Variants in AK5 observed in about 807,000 individuals in gnomAD.
AK5 encodes the protein adenylate kinase isoenzyme 5.
In AK5, 27 loss-of-function variants were observed where a neutral mutation model predicts 69.5. The ratio of observed to expected loss-of-function variants is 0.39; its 90% CI spans 0.29 to 0.54. The LOEUF is 0.54. Ranked by LOEUF, AK5 falls within the 20% of genes least tolerant of loss-of-function variation. The probability of loss-of-function intolerance (pLI) is 0.71; values close to 1 mark genes in which losing one functional copy is unlikely to be tolerated. For synonymous variants in AK5, 260 were observed against 244.4 expected, an observed-to-expected ratio of 1.06 and a Z score of -0.60; for missense variants, 531 against 700.4, an observed-to-expected ratio of 0.76 and a Z score of 2.73.
intron 8 of AK5, among the ~76,000 whole-genome samples, chr1:77,482,976 G>T (rs1655348904): frequency 9.1e-6 from 1 of 109,998 alleles, no homozygotes; most frequent in East Asian, 3.0e-4. Context: ...CCTGTCCACA[G>T]ATAGTTTTTG....
chr1:77,332,650 A>C (rs934349524), intron 5 of AK5, among the ~76,000 whole-genome samples: 3 of 150,272 alleles, frequency 2.0e-5, no homozygotes, highest in Middle Eastern at 3.4e-3. Flanking sequence ...ATTTATGCCG[A>C]GCTTATTTCT....
chr1:77,341,648 C>A (rs1661659035), intron 6 of AK5, among the ~76,000 whole-genome samples: 1 of 152,206 alleles, frequency 6.6e-6, no homozygotes, highest in African/African-American at 2.4e-5. Context: ...CTGAAAGAGA[C>A]AGACATGACA....
At chr1:77,508,386 A>C (rs962222814) in intron 10 of AK5, among the ~76,000 whole-genome samples, 1 of 152,184 alleles carries the variant, frequency 6.6e-6, no homozygotes, top group African/African-American at 2.4e-5. Flanking sequence ...ACAACTCCCC[A>C]GCTTCACTCT....
At chr1:77,344,808 G>T (rs1451756520) in intron 6 of AK5, among the ~76,000 whole-genome samples, 2 of 151,294 alleles carry the variant, frequency 1.3e-5, no homozygotes, top group African/African-American at 4.9e-5. Flanking sequence ...ATTTTAGTGT[G>T]CCCATCACCT....
At chr1:77,303,957 G>A (rs1257664734) in intron 5 of AK5, among the ~76,000 whole-genome samples, 1 of 152,206 alleles carries the variant, frequency 6.6e-6, no homozygotes, top group Non-Finnish European at 1.5e-5. Flanking sequence ...AGCACATCAT[G>A]AAGAATGGGA....
chr1:77,542,527 G>C (rs1659332115), intron 13 of AK5, among the ~76,000 whole-genome samples: 1 of 152,176 alleles, frequency 6.6e-6, no homozygotes, highest in Admixed American at 6.5e-5. Flanking sequence ...GGAGGACAAG[G>C]AATACCCAGA....
intron 6 of AK5, among the ~76,000 whole-genome samples, chr1:77,362,741 G>A (rs1331889961): frequency 6.6e-6 from 1 of 152,156 alleles, no homozygotes; most frequent in Non-Finnish European, 1.5e-5. Context: ...AAGACTCCAT[G>A]TTTATATGTG....
intron 5 of AK5, among the ~76,000 whole-genome samples, chr1:77,322,127 C>T (rs527385061): frequency 4.9e-4 from 75 of 152,186 alleles, no homozygotes; most frequent in African/African-American, 1.7e-3. Context: ...AATACATAGT[C>T]ATGGGTATTT....
At chr1:77,381,210 A>T (rs1647610709) in intron 6 of AK5, among the ~76,000 whole-genome samples, 1 of 152,120 alleles carries the variant, frequency 6.6e-6, no homozygotes, top group Non-Finnish European at 1.5e-5. Flanking sequence ...TAATACCCAG[A>T]TGGCTCACTT....
chr1:77,558,654 T>A lies in AK5; in HGVS notation c.1673T>A (p.Ile558Asn). ...EDVFLQLCTA[I>N]DSIF Reference sequence around the variant, plus strand: ...GTTTTTCTTCAACTCTGCACAGCTATTGACTCTATTTTCTGAAGGCAAAAA... The same window carrying A: ...GTTTTTCTTCAACTCTGCACAGCTAATGACTCTATTTTCTGAAGGCAAAAA... The change falls in exon 14 of 14, where the codon ATT (isoleucine) becomes AAT (asparagine). Residue 558 changes from isoleucine to asparagine, a missense_variant. Coordinates refer to ENST00000354567, the MANE Select transcript of AK5 (RefSeq NM_174858.3). 6.5e-7 allele frequency: 1 copy of A among 1,532,496 alleles called. No homozygotes were observed. The highest frequency in any genetic ancestry group is 8.9e-7 in the Non-Finnish European group (1 of 1,128,802). The allele number at this position is 1,532,496 out of a possible 1,614,324, so 94.9% of individuals were successfully genotyped here. A position where few individuals can be genotyped will look rare whatever the true frequency, so the allele number is the denominator to read the frequency against.
intron 10 of AK5, among the ~76,000 whole-genome samples, chr1:77,505,061 A>G (rs1422621196): frequency 2.0e-5 from 3 of 152,204 alleles, no homozygotes; most frequent in Non-Finnish European, 4.4e-5. Context: ...TATATTGCCA[A>G]ATTGCCCTTC....
chr1:77,422,025 T>TC (rs1338106966), intron 8 of AK5, among the ~76,000 whole-genome samples: 1 of 152,138 alleles, frequency 6.6e-6, no homozygotes, highest in African/African-American at 2.4e-5. Flanking sequence ...CTCACCATCT[T>TC]CCCCCACAAA....
At chr1:77,518,454 C>A in intron 10 of AK5, 110 bp from the exon 11 acceptor site, 1 of 1,159,764 alleles carries the variant, frequency 8.6e-7, no homozygotes, top group Non-Finnish European at 1.2e-6. Context: ...CTCAAGTTCC[C>A]AATACATGCT....
intron 10 of AK5, among the ~76,000 whole-genome samples, chr1:77,496,062 A>G (rs1656297145): frequency 6.6e-6 from 1 of 152,222 alleles, no homozygotes; most frequent in African/African-American, 2.4e-5. Flanking sequence ...GAGGAAGCCA[A>G]CAAATAGCAC....
chr1:77,463,196 G>C (rs1653943239), intron 8 of AK5, among the ~76,000 whole-genome samples: 2 of 152,176 alleles, frequency 1.3e-5, no homozygotes, highest in Non-Finnish European at 2.9e-5. Context: ...ACTGACTTCT[G>C]AACAACTGAG....
chr1:77,282,326 G>A lies in AK5; in HGVS notation c.13G>A (p.Asp5Asn). MNTN[D>N]AKEYLARREI... ...GCGCGGCACAGCCATGAACACCAAC[G>A]ATGCCAAGGAGTATCTGGCCCGGAG... Residue 5 changes from aspartate to asparagine, a missense_variant, in exon 1 of 14, where the codon GAT (aspartate) becomes AAT (asparagine). Asp to Asn is a conservative substitution (Grantham distance 23). Transcript: ENST00000354567. 1 of 1,562,194 alleles carries A rather than the reference G, an allele frequency of 6.4e-7. No individual in the cohort carries two copies. Among genetic ancestry groups the A allele is most frequent in the Non-Finnish European group, 8.7e-7 (1 of 1,153,402 alleles).
In AK5 at chr1:77,394,864, A is replaced by G. The variant is rs529970508; in HGVS notation, c.892-16117A>G. Among the ~76,000 whole-genome samples the G allele has an allele frequency of 8.5e-5, 13 of 152,138 alleles. No homozygotes were observed. The South Asian group carries it at 2.3e-3, about 27-fold the overall frequency. Reference sequence around the variant, plus strand: ...CATAATCAACTGTTAAAAACTTCCAATGAGCTTGCGAATTCAAGAATTTAC... The same window carrying G: ...CATAATCAACTGTTAAAAACTTCCAGTGAGCTTGCGAATTCAAGAATTTAC... On this transcript the variant is annotated intron_variant, in intron 6 of 13. Coordinates refer to ENST00000354567, the MANE Select transcript of AK5 (RefSeq NM_174858.3).
At chr1:77,307,225 G>C (rs1401543077) in intron 5 of AK5, among the ~76,000 whole-genome samples, 1 of 151,250 alleles carries the variant, frequency 6.6e-6, no homozygotes, top group Admixed American at 6.6e-5. Flanking sequence ...TTTTGATGTA[G>C]GCACTTATAG....
chr1:77,352,670 G>A (rs992029314), intron 6 of AK5, among the ~76,000 whole-genome samples: 22 of 152,186 alleles, frequency 1.4e-4, no homozygotes, highest in African/African-American at 4.6e-4. Context: ...CACAAACAGC[G>A]ACTGATAAAT....
Sources: allele counts gnomAD v4.1 joint callset (sites outside exome capture counted in the v4.1 genomes callset), GRCh38; gene constraint gnomAD v4.1.1; transcripts MANE v1.5; gene names NCBI Gene and HGNC (gene_info 2026-07-23, HGNC 2026-07-21).